DNAJB1: variants seen among roughly 807,000 people sequenced by gnomAD.
DNAJB1 encodes the protein DnaJ heat shock protein family (Hsp40) member B1, also known as dnaJ homolog subfamily B member 1.
In DNAJB1, 14 loss-of-function variants were observed where a neutral mutation model predicts 24.0. That is an observed-to-expected ratio of 0.58 (90% CI 0.39 to 0.91). The LOEUF (loss-of-function observed/expected upper bound fraction) is 0.91. Among genes scored for constraint, DNAJB1 ranks in the 40% least tolerant of loss-of-function variants. The probability of loss-of-function intolerance (pLI) is 0.00; values close to 1 mark genes in which losing one functional copy is unlikely to be tolerated. For missense variants in DNAJB1, 517 were observed against 458.1 expected (o/e 1.13, Z -1.17); for synonymous variants, 262 against 174.4 (o/e 1.50, Z -3.96).
upstream of DNAJB1, among the ~76,000 whole-genome samples, chr19:14,552,757 T>G (rs6511938): frequency 6.6e-6 from 1 of 151,616 alleles, no homozygotes. Flanking sequence ...AGGATGGTCT[T>G]GATCTCCTGA....
upstream of DNAJB1, among the ~76,000 whole-genome samples, chr19:14,532,881 G>T (rs147462186): frequency 3.7e-3 from 557 of 152,066 alleles, 4 homozygotes; most frequent in African/African-American, 0.011. Context: ...AGGCTGAGAC[G>T]GGTGAATCAC....
chr19:14,543,422 T>A (rs1489794510), intron 1 of DNAJB1, among the ~76,000 whole-genome samples: 8 of 6,466 alleles, frequency 1.2e-3, no homozygotes, highest in African/African-American at 1.7e-3. Context: ...TATATATATT[T>A]TTTTTTTTTT....
intron 1 of DNAJB1, among the ~76,000 whole-genome samples, chr19:14,548,096 G>A (rs2146594190): frequency 6.6e-6 from 1 of 151,668 alleles, no homozygotes; most frequent in Admixed American, 6.6e-5. Flanking sequence ...CCAAGTAGCT[G>A]GGACTACAGG....
chr19:14,533,619 G>T (rs1215302994), upstream of DNAJB1, among the ~76,000 whole-genome samples: 1 of 152,074 alleles, frequency 6.6e-6, no homozygotes, highest in Non-Finnish European at 1.5e-5. Context: ...GTCTGGTTGA[G>T]GACTGTTATC....
intron 1 of DNAJB1, among the ~76,000 whole-genome samples, chr19:14,543,079 TGG>T (rs1237639487): frequency 2.2e-5 from 1 of 44,502 alleles, no homozygotes; most frequent in African/African-American, 8.8e-5. Context: ...GGTGCCAAGT[TGG>T]GGGTGGGGGT....
chr19:14,520,702 T>G (rs543638166), upstream of DNAJB1, among the ~76,000 whole-genome samples: 235 of 152,206 alleles, frequency 1.5e-3, 1 homozygote, highest in African/African-American at 5.4e-3. Flanking sequence ...TTTTAAAAAG[T>G]TACTAGGCTG....
chr19:14,516,838 G>A lies in DNAJB1; in HGVS notation c.420C>T (p.Gly140=), dbSNP rs775253557. 3.1e-6 allele frequency: 5 copies of A among 1,613,924 alleles called. No individual in the cohort carries two copies. The highest frequency in any genetic ancestry group is 4.2e-6 in the Non-Finnish European group (5 of 1,179,966). ...PFSGFPMGMG[G]FTNVNFGRSR... ...AGCGGCCAAAGTTCACGTTGGTGAA[G>A]CCACCCATGCCCATAGGGAAGCCAG... The change falls in exon 2 of 3, where the codon GGC becomes GGT. Residue 140 remains glycine (G), a synonymous_variant. Transcript: ENST00000254322.
At chr19:14,521,622 TTTTG>T (rs999639862), upstream of DNAJB1, among the ~76,000 whole-genome samples, 5 of 151,954 alleles carry the variant, frequency 3.3e-5, no homozygotes, top group Non-Finnish European at 5.9e-5. Context: ...GTTCAGGAAG[TTTTG>T]TTTGTTTGTT....
chr19:14,535,165 G>C (rs189226586), intron 1 of DNAJB1, among the ~76,000 whole-genome samples: 165 of 151,870 alleles, frequency 1.1e-3, no homozygotes, highest in Admixed American at 9.5e-3. Flanking sequence ...CTGAGGTCAG[G>C]AGTTCAAGAC....
chr19:14,560,058 C>A (rs1156794381), exon 1 of DNAJB1, among the ~76,000 whole-genome samples: 5 of 152,194 alleles, frequency 3.3e-5, no homozygotes, highest in African/African-American at 1.2e-4. Context: ...CGTCTCCTCT[C>A]CTTGGGCCTC....
chr19:14,551,171 A>G (rs969355444), upstream of DNAJB1, among the ~76,000 whole-genome samples: 15 of 151,646 alleles, frequency 9.9e-5, no homozygotes, highest in Non-Finnish European at 4.4e-5. Context: ...TCCCAGGTTC[A>G]TAACGATTCT....
At chr19:14,551,313 G>C (rs1416999325), upstream of DNAJB1, among the ~76,000 whole-genome samples, 1 of 152,004 alleles carries the variant, frequency 6.6e-6, no homozygotes, top group Non-Finnish European at 1.5e-5. Flanking sequence ...GACCTCAGGT[G>C]ATCCACCCAC....
upstream of DNAJB1, chr19:14,529,356 C>G (rs747472374): frequency 2.7e-5 from 13 of 483,336 alleles, no homozygotes; most frequent in Non-Finnish European, 4.2e-5. Context: ...CAAAGGGACG[C>G]GCGGGGCAGA....
chr19:14,516,873 C>A lies in DNAJB1; in HGVS notation c.385G>T (p.Asp129Tyr). 6.2e-7 allele frequency: 1 copy of A among 1,614,118 alleles called. No homozygotes were observed. The highest frequency in any genetic ancestry group is 8.5e-7 in the Non-Finnish European group (1 of 1,180,034). The change falls in exon 2 of 3, where the codon GAC (aspartate) becomes TAC (tyrosine). Residue 129 changes from aspartate to tyrosine, a missense_variant. By Grantham distance (160) the Asp-to-Tyr change is radical (BLOSUM62 -3). Transcript: ENST00000254322. ...RNGEEGMDID[D>Y]PFSGFPMGMG... ...CCCATAGGGAAGCCAGAGAATGGGT[C>A]ATCAATGTCCATGCCTTCCTCCCCG... is the stretch of plus-strand genomic sequence containing the variant.
intron 1 of DNAJB1, chr19:14,517,830 G>A (rs1283683718): frequency 1.8e-5 from 5 of 279,114 alleles, no homozygotes; most frequent in Admixed American, 1.1e-4. Flanking sequence ...CGCCGTCCCC[G>A]TCGTCACCCC....
At chr19:14,542,298 T>C (rs1461108675) in intron 1 of DNAJB1, among the ~76,000 whole-genome samples, 1 of 149,770 alleles carries the variant, frequency 6.7e-6, no homozygotes, top group Non-Finnish European at 1.5e-5. Flanking sequence ...AGATTCCCTA[T>C]TGGAGGGCAG....
intron 1 of DNAJB1, chr19:14,544,999 C>T: frequency 4.6e-6 from 2 of 432,242 alleles, no homozygotes. Flanking sequence ...CACTCCTTCC[C>T]TTCTCTGTTC....
chr19:14,523,095 A>G (rs908269684), upstream of DNAJB1, among the ~76,000 whole-genome samples: 11 of 151,720 alleles, frequency 7.3e-5, no homozygotes, highest in Non-Finnish European at 1.3e-4. Flanking sequence ...ACTCCCAGCT[A>G]CTCGGGAGGC....
At chr19:14,518,489 C>A, upstream of DNAJB1, 2 of 636,608 alleles carry the variant, frequency 3.1e-6, no homozygotes, top group Non-Finnish European at 4.5e-6. Flanking sequence ...CCGCCCGCCC[C>A]CGCGGCGCCG....
Sources: allele counts gnomAD v4.1 joint callset (sites outside exome capture counted in the v4.1 genomes callset), GRCh38; gene constraint gnomAD v4.1.1; transcripts MANE v1.5; gene names NCBI Gene and HGNC (gene_info 2026-07-23, HGNC 2026-07-21).